ZNF445: variants seen among roughly 807,000 people sequenced by gnomAD.
The protein encoded by ZNF445 is zinc finger protein 168.
Under a neutral mutation model 93.9 loss-of-function variants are expected in ZNF445, and 19 were observed. That is an observed-to-expected ratio of 0.20 (90% confidence interval 0.14 to 0.30). ZNF445 has a LOEUF of 0.30. ZNF445 is among the 10% of genes least tolerant of loss of function. The pLI is 1.00. For synonymous variants in ZNF445, 449 were observed against 446.3 expected (o/e 1.01, Z -0.08); for missense variants, 1,058 against 1,259.4 (o/e 0.84, Z 2.42).
At position 44,437,227 on chromosome 3, in the gene ZNF445, A is replaced by T. The variant is rs1373552514; in HGVS notation, c.*9348T>A. The stretch of plus-strand genomic sequence containing the variant: ...GTAGCAGTGAGGATGACCAGAGGTC[A>T]TTCTCATCACCGTCTTGGTTTTGGT... On this transcript the variant is annotated 3_prime_UTR_variant, in exon 8 of 8. Coordinates refer to ENST00000396077, the MANE Select transcript of ZNF445 (RefSeq NM_181489.6). 4 of 152,208 alleles carry T rather than the reference A, an allele frequency of 2.6e-5. No individual in the cohort carries two copies. Among genetic ancestry groups the T allele is most frequent in the African/African-American group, 9.6e-5 (4 of 41,462 alleles). 9.4% of individuals were successfully genotyped at this position (152,208 alleles called of 1,614,324 possible). A position where few individuals can be genotyped will look rare whatever the true frequency, so the allele number is the denominator to read the frequency against.
At chr3:44,454,420 T>C (rs1697998655) in intron 3 of ZNF445, among the ~76,000 whole-genome samples, 1 of 152,104 alleles carries the variant, frequency 6.6e-6, no homozygotes, top group Non-Finnish European at 1.5e-5. Flanking sequence ...AGCCACTGTG[T>C]CCAAAGACTA....
In ZNF445 at chr3:44,455,672, C is replaced by G. The variant is rs1261722121; in HGVS notation, c.-123G>C. On this transcript the variant is annotated 5_prime_UTR_variant, in exon 3 of 8. Coordinates refer to ENST00000396077, the MANE Select transcript of ZNF445 (RefSeq NM_181489.6). ...TTGCTGGGACATCAGAAGTCATCAGCAAGTGACTGAAATTACCAGCATTTC... is the reference window on the plus strand; with the variant it reads ...TTGCTGGGACATCAGAAGTCATCAGGAAGTGACTGAAATTACCAGCATTTC... 2.3e-6 allele frequency: 2 copies of G among 878,418 alleles called. No individual in the cohort carries two copies. The highest frequency in any genetic ancestry group is 5.4e-5 in the East Asian group (2 of 36,842). 54.4% of individuals were successfully genotyped at this position (878,418 alleles called of 1,614,324 possible).
chr3:44,468,624 C>T (rs970886555), intron 1 of ZNF445, among the ~76,000 whole-genome samples: 2 of 151,930 alleles, frequency 1.3e-5, no homozygotes, highest in African/African-American at 4.8e-5. Flanking sequence ...CTGGCACAAC[C>T]CAGATCAATA....
chr3:44,455,882 TACTGA>T (rs1698023208), intron 2 of ZNF445, among the ~76,000 whole-genome samples, 186 bp from the exon 3 acceptor site: 1 of 152,062 alleles, frequency 6.6e-6, no homozygotes, highest in African/African-American at 2.4e-5. Context: ...ATAAAACATA[TACTGA>T]ACTTATACAT....
At position 44,435,219 on chromosome 3, in the gene ZNF445, G is replaced by C. The variant is rs1697652055; in HGVS notation, c.*11356C>G. On this transcript the variant is annotated 3_prime_UTR_variant, in exon 8 of 8. Coordinates refer to ENST00000396077, the MANE Select transcript of ZNF445 (RefSeq NM_181489.6). ...TTCTCTAACCTATAAATCTCTCTAA[G>C]CCTCATCTTTGGGGAGGTGAATTTG... The C allele has an allele frequency of 6.6e-6, 1 of 152,102 alleles. No individual in the cohort carries two copies. The highest frequency in any genetic ancestry group is 2.4e-5 in the African/African-American group (1 of 41,420). The allele number at this position is 152,102 out of a possible 1,614,324, so 9.4% of individuals were successfully genotyped here.
rs886291265 is a variant in ZNF445 at position 44,438,563 on chromosome 3, T to A, written c.*8012A>T. On this transcript the variant is annotated 3_prime_UTR_variant, in exon 8 of 8. Transcript: ENST00000396077. ...TGCCCGCCTCAGCCTCCCAAAGTGC[T>A]GGGATTACAGGTGTGAGCCACCGTG... 1 of 152,120 alleles carries A rather than the reference T, an allele frequency of 6.6e-6. No homozygotes were observed. Among genetic ancestry groups the A allele is most frequent in the Non-Finnish European group, 1.5e-5 (1 of 68,034 alleles). 9.4% of individuals were successfully genotyped at this position (152,120 alleles called of 1,614,324 possible).
chr3:44,462,121 T>G (rs1698122663), intron 1 of ZNF445, among the ~76,000 whole-genome samples: 1 of 152,162 alleles, frequency 6.6e-6, no homozygotes, highest in African/African-American at 2.4e-5. Flanking sequence ...TGCTAAGAAT[T>G]TGTCTGTGTT....
intron 1 of ZNF445, among the ~76,000 whole-genome samples, chr3:44,467,901 T>C (rs1244237277): frequency 6.6e-6 from 1 of 152,218 alleles, no homozygotes; most frequent in East Asian, 1.9e-4. Context: ...TCTAAATTCT[T>C]TGTGGGTTAG....
Position 44,450,881 on chromosome 3 carries a change from G to A in ZNF445, c.680C>T (p.Thr227Ile). The A allele has an allele frequency of 1.3e-6, 2 of 1,584,960 alleles. No individual in the cohort carries two copies. ...GDQVTPTRSL[T>I]AQLQETMTFK... ...TCTGTGGCTCACCTGGAGCTGGGCT[G>A]TCAGGGACCTGGTTGGTGTTACCTG... Residue 227 changes from threonine (T) to isoleucine (I), a missense_variant, in exon 5 of 8, where the codon ACA becomes ATA. Around this residue, in one of 3 missense-constraint regions of ZNF445, gnomAD observed 657 missense variants for 746.4 expected, o/e 0.88. Coordinates refer to ENST00000396077, the MANE Select transcript of ZNF445 (RefSeq NM_181489.6).
In ZNF445 at chr3:44,437,677, C is replaced by T. The variant is rs1385412285; in HGVS notation, c.*8898G>A. ...GCCTCTAACCCAATCCCATTTGTTA[C>T]TCGGGTACCCCATCACTTACCCAAA... On this transcript the variant is annotated 3_prime_UTR_variant, in exon 8 of 8. Coordinates refer to ENST00000396077, the MANE Select transcript of ZNF445 (RefSeq NM_181489.6). 2 of 152,188 alleles carry T rather than the reference C, an allele frequency of 1.3e-5. No homozygotes were observed. Among genetic ancestry groups the T allele is most frequent in the Non-Finnish European group, 2.9e-5 (2 of 68,054 alleles). The allele number at this position is 152,188 out of a possible 1,614,324, so 9.4% of individuals were successfully genotyped here.
rs1462071370 is a variant in ZNF445, at chr3:44,444,933, T to A, written c.*1642A>T. On this transcript the variant is annotated 3_prime_UTR_variant, in exon 8 of 8. Transcript: ENST00000396077. ...TTCATTCATAATCTGACCTCTTCAA[T>A]AATCAGAAGCAATGATTACTCACAT... 6.6e-6 allele frequency: 1 copy of A among 152,274 alleles called. No individual in the cohort carries two copies. Among genetic ancestry groups the A allele is most frequent in the African/African-American group, 2.4e-5 (1 of 41,472 alleles). The allele number at this position is 152,274 out of a possible 1,614,324, so 9.4% of individuals were successfully genotyped here.
At chr3:44,452,937 CAT>C (rs1368029657) in intron 3 of ZNF445, among the ~76,000 whole-genome samples, 2 of 135,648 alleles carry the variant, frequency 1.5e-5, no homozygotes, top group Admixed American at 7.9e-5. Context: ...TTTTTTCGGA[CAT>C]AGTCTTGCTC....
At chr3:44,468,382 G>T (rs1698221399) in intron 1 of ZNF445, among the ~76,000 whole-genome samples, 1 of 152,148 alleles carries the variant, frequency 6.6e-6, no homozygotes, top group Non-Finnish European at 1.5e-5. Context: ...ACTAACTTTG[G>T]GAGAAACTTA....
intron 2 of ZNF445, among the ~76,000 whole-genome samples, chr3:44,457,085 G>A (rs1342654247): frequency 6.6e-6 from 1 of 152,128 alleles, no homozygotes; most frequent in Admixed American, 6.5e-5. Flanking sequence ...AGACAAGATC[G>A]TGGCACTGCA....
At position 44,447,528 on chromosome 3, in the gene ZNF445, C is replaced by T; in HGVS notation, c.2143G>A (p.Gly715Arg). The part of the protein sequence containing the change: ...GEKPYQCSDC[G>R]KDFAYRSAFI... ...GCTGACCTATAGGCAAAGTCCTTCCCACAATCGCTACACTGGTAAGGTTTC... is the reference window on the plus strand; with the variant it reads ...GCTGACCTATAGGCAAAGTCCTTCCTACAATCGCTACACTGGTAAGGTTTC... The change falls in exon 8 of 8, where the codon GGG becomes AGG. Residue 715 changes from glycine (G) to arginine (R), a missense_variant. Coordinates refer to ENST00000396077, the MANE Select transcript of ZNF445 (RefSeq NM_181489.6). This position sits in a 1 kb window ranked among gnomAD's most constrained non-coding sequence, Gnocchi z 4.7. The T allele has an allele frequency of 6.2e-7, 1 of 1,614,168 alleles. No individual in the cohort carries two copies. Among genetic ancestry groups the T allele is most frequent in the Non-Finnish European group, 8.5e-7 (1 of 1,180,022 alleles).
rs1697845034 is a variant in ZNF445, at chr3:44,443,952, A to T, written c.*2623T>A. The T allele has an allele frequency of 1.3e-5, 2 of 152,118 alleles. No individual in the cohort carries two copies. Among genetic ancestry groups the T allele is most frequent in the African/African-American group, 4.8e-5 (2 of 41,408 alleles). The allele number at this position is 152,118 out of a possible 1,614,324, so 9.4% of individuals were successfully genotyped here. A position where few individuals can be genotyped will look rare whatever the true frequency, so the allele number is the denominator to read the frequency against. On this transcript the variant is annotated 3_prime_UTR_variant, in exon 8 of 8. Transcript: ENST00000396077. ...CCAGGAGTTTGAGACCAGCATGAGC[A>T]ACATGGGAAAAAAAAATAAAAGTTT...
At chr3:44,459,783 A>G (rs539767564) in intron 1 of ZNF445, among the ~76,000 whole-genome samples, 1 of 152,350 alleles carries the variant, frequency 6.6e-6, no homozygotes, top group South Asian at 2.1e-4. Flanking sequence ...AATGAATTGC[A>G]TTGGGACAAC....
intron 1 of ZNF445, among the ~76,000 whole-genome samples, chr3:44,468,128 CTCACGCTGGGG>C (rs1698218453): frequency 6.6e-6 from 1 of 152,230 alleles, no homozygotes; most frequent in Admixed American, 6.5e-5. Context: ...TTCCACTCTT[CTCACGCTGGGG>C]TTCACTCCCA....
intron 3 of ZNF445, 43 bp from the exon 4 acceptor site, chr3:44,451,525 A>G: frequency 6.3e-7 from 1 of 1,579,928 alleles, no homozygotes. Context: ...TCTGGGAATC[A>G]GAAAGCAAAC....
Sources: gnomAD v4.1 joint callset for allele counts (sites outside exome capture counted in the v4.1 genomes callset) on GRCh38, gnomAD v4.1.1 for gene constraint, gnomAD v4.1.1 regional missense constraint, Gnocchi (gnomAD v3.1) non-coding constraint, MANE v1.5 for transcripts, NCBI Gene and HGNC (gene_info 2026-07-23, HGNC 2026-07-21) for gene names.